The following GFRA2 variants were observed in gnomAD, a reference collection of about 807,000 sequenced individuals.
GFRA2 encodes the protein GDNF family receptor alpha 2, also known as GDNF family receptor alpha-2.
Under a neutral mutation model 48.3 loss-of-function variants are expected in GFRA2, and 17 were observed. The observed-to-expected ratio is 0.35, with a 90% CI of 0.24 to 0.53. GFRA2 has a LOEUF of 0.53. GFRA2 is among the 20% of genes least tolerant of loss of function. The pLI, the probability that GFRA2 is intolerant of heterozygous loss-of-function variation, is 0.93. For synonymous variants in GFRA2, 305 were observed against 257.2 expected (o/e 1.19, Z -1.78); for missense variants, 660 against 637.3 (o/e 1.04, Z -0.38).
intron 4 of GFRA2, among the ~76,000 whole-genome samples, chr8:21,714,802 T>C (rs1803253515): frequency 1.3e-5 from 2 of 152,098 alleles, no homozygotes; most frequent in African/African-American, 4.8e-5. Context: ...GTACGGTGGC[T>C]GACACAAACA....
At chr8:21,697,067 C>T (rs62651313) in intron 7 of GFRA2, among the ~76,000 whole-genome samples, 1 of 25,070 alleles carries the variant, frequency 4.0e-5, no homozygotes, top group African/African-American at 1.8e-4. Context: ...GGAAGGGGAC[C>T]GAGGAGGGTA....
chr8:21,706,093 C>A (rs1802731795), intron 4 of GFRA2, 52 bp from the exon 5 acceptor site: 2 of 1,151,078 alleles, frequency 1.7e-6, no homozygotes, highest in Non-Finnish European at 2.5e-6. Context: ...AGTCTAGCTG[C>A]CTTCTGTCTC....
chr8:21,741,420 C>T (rs969962345), intron 4 of GFRA2, among the ~76,000 whole-genome samples: 1 of 152,186 alleles, frequency 6.6e-6, no homozygotes, highest in African/African-American at 2.4e-5. Flanking sequence ...CAGATTCCCC[C>T]TCTCTGCCCC....
chr8:21,742,643 G>A (rs1476180068), intron 4 of GFRA2, among the ~76,000 whole-genome samples: 1 of 152,232 alleles, frequency 6.6e-6, no homozygotes, highest in East Asian at 1.9e-4. Flanking sequence ...GTGGCTGAAA[G>A]TGTGTCTGCC....
intron 2 of GFRA2, among the ~76,000 whole-genome samples, chr8:21,798,403 G>A (rs999916867): frequency 1.3e-5 from 2 of 152,204 alleles, no homozygotes; most frequent in South Asian, 4.2e-4. Flanking sequence ...AGGGATGTGT[G>A]TACTGTTGAA....
Position 21,705,022 on chromosome 8 carries a change from C to T in GFRA2, c.1008G>A (p.Glu336=). The T allele has an allele frequency of 1.2e-6, 2 of 1,610,892 alleles. No homozygotes were observed. Among genetic ancestry groups the T allele is most frequent in the Non-Finnish European group, 1.7e-6 (2 of 1,179,122 alleles). ...TCTCGGTGAAGTCCCTGAGGAACTT[C>T]TCACACTCCTCCTCCATGTTCCCGC... ...RGSGNMEEEC[E]KFLRDFTENP... Residue 336 remains glutamate, a synonymous_variant, in exon 6 of 9, where the codon GAG becomes GAA. Coordinates refer to ENST00000524240, the MANE Select transcript of GFRA2 (RefSeq NM_001495.5).
intron 4 of GFRA2, among the ~76,000 whole-genome samples, chr8:21,720,047 C>T (rs1803519731): frequency 1.3e-5 from 2 of 152,220 alleles, no homozygotes; most frequent in South Asian, 2.1e-4. Context: ...CATTGCCTCT[C>T]CCTTCAACTT....
At chr8:21,788,055 C>A in intron 1 of GFRA2, 65 bp downstream of exon 1, 1 of 539,556 alleles carries the variant, frequency 1.9e-6, no homozygotes, top group South Asian at 2.1e-5. Flanking sequence ...CACCGGCGCT[C>A]CGCTCGCCCC....
chr8:21,777,055 C>T (rs1806741886), intron 2 of GFRA2, among the ~76,000 whole-genome samples: 1 of 152,202 alleles, frequency 6.6e-6, no homozygotes, highest in Non-Finnish European at 1.5e-5. Flanking sequence ...CTCTTAACTA[C>T]TCTATGAGAT....
chr8:21,748,051 C>T (rs1805098210), intron 4 of GFRA2, among the ~76,000 whole-genome samples: 1 of 152,146 alleles, frequency 6.6e-6, no homozygotes. Flanking sequence ...CCCAAATCTT[C>T]AGGCATCTCC....
intron 6 of GFRA2, among the ~76,000 whole-genome samples, chr8:21,704,490 G>C (rs923473335): frequency 1.3e-5 from 2 of 152,210 alleles, no homozygotes; most frequent in African/African-American, 4.8e-5. Context: ...TGGAGGGAAG[G>C]AAAGAGGGAA....
At chr8:21,778,085 C>A (rs1806798221) in intron 2 of GFRA2, among the ~76,000 whole-genome samples, 1 of 152,218 alleles carries the variant, frequency 6.6e-6, no homozygotes, top group Non-Finnish European at 1.5e-5. Flanking sequence ...ATCACGCCCA[C>A]CAGCAGGGGC....
At chr8:21,780,764 C>T (rs752991390) in intron 2 of GFRA2, 4 of 152,374 alleles carry the variant, frequency 2.6e-5, no homozygotes, top group Non-Finnish European at 5.9e-5. Flanking sequence ...CTTCTTGACT[C>T]CTCCCTCCCC....
chr8:21,763,907 C>T (rs1806027518), intron 3 of GFRA2, among the ~76,000 whole-genome samples: 1 of 150,464 alleles, frequency 6.6e-6, no homozygotes, highest in Admixed American at 6.7e-5. Flanking sequence ...ACCCAGCCAC[C>T]CCCACTCCAT....
intron 1 of GFRA2, among the ~76,000 whole-genome samples, chr8:21,807,754 G>T (rs1420512809): frequency 6.6e-6 from 1 of 152,100 alleles, no homozygotes; most frequent in African/African-American, 2.4e-5. Context: ...CATCCTACAG[G>T]GGCTTACAAG....
At chr8:21,772,500 G>A (rs1585325142) in intron 3 of GFRA2, among the ~76,000 whole-genome samples, 3 of 152,096 alleles carry the variant, frequency 2.0e-5, no homozygotes, top group African/African-American at 2.4e-5. Flanking sequence ...TAGCAGGGCC[G>A]GGGCCTCCCT....
intron 8 of GFRA2, among the ~76,000 whole-genome samples, chr8:21,694,172 G>A (rs1404534744): frequency 6.7e-6 from 1 of 149,590 alleles, no homozygotes; most frequent in Non-Finnish European, 1.5e-5. Flanking sequence ...CAGCAACAGT[G>A]CCGAGCAGGT....
chr8:21,775,490 C>A (rs1170475174), intron 2 of GFRA2, among the ~76,000 whole-genome samples: 1 of 152,144 alleles, frequency 6.6e-6, no homozygotes, highest in Non-Finnish European at 1.5e-5. Flanking sequence ...CTGAGGTGGC[C>A]CGGAGAGGTG....
chr8:21,738,456 C>G (rs1804590889), intron 4 of GFRA2, among the ~76,000 whole-genome samples: 1 of 151,690 alleles, frequency 6.6e-6, no homozygotes, highest in Admixed American at 6.6e-5. Context: ...CTGTCTCCAG[C>G]CTTGCTCTCC....
Sources: allele counts gnomAD v4.1 joint callset (sites outside exome capture counted in the v4.1 genomes callset), GRCh38; gene constraint gnomAD v4.1.1; transcripts MANE v1.5; gene names NCBI Gene and HGNC (gene_info 2026-07-23, HGNC 2026-07-21).